LYRM4: variants seen among roughly 807,000 people sequenced by gnomAD.
LYRM4 encodes LYR motif containing 4.
LYRM4 carries 9 observed loss-of-function variants against 11.7 expected under a neutral mutation model. The observed-to-expected ratio is 0.77, with a 90% CI of 0.46 to 1.34. LYRM4 has a LOEUF of 1.34. Among genes scored for constraint, LYRM4 ranks in the 40% most tolerant of loss-of-function variants. The probability of loss-of-function intolerance (pLI) is 0.00; values close to 1 mark genes in which losing one functional copy is unlikely to be tolerated. For synonymous variants in LYRM4, 42 were observed against 40.4 expected (o/e 1.04, Z -0.15); for missense variants, 133 against 112.5 (o/e 1.18, Z -0.82).
At chr6:5,120,561 TG>T (rs1050461158) in intron 2 of LYRM4, among the ~76,000 whole-genome samples, 2 of 152,168 alleles carry the variant, frequency 1.3e-5, no homozygotes, top group Admixed American at 6.5e-5. Flanking sequence ...GGGACGCCAG[TG>T]GGTTGCTGCT....
intron 2 of LYRM4, among the ~76,000 whole-genome samples, chr6:5,140,182 C>T (rs914095495): frequency 2.0e-5 from 3 of 151,296 alleles, no homozygotes; most frequent in Non-Finnish European, 4.4e-5. Context: ...GAGCCGTGAT[C>T]GCACCACTGC....
chr6:5,037,997 T>C, the LYRM4 span, among the ~76,000 whole-genome samples: 1 of 57,596 alleles, frequency 1.7e-5, no homozygotes, highest in South Asian at 7.3e-4. Context: ...GAGACGCTCC[T>C]CACTTCCCAG....
chr6:5,112,949 T>G, intron 2 of LYRM4: 1 of 161,030 alleles, frequency 6.2e-6, no homozygotes. Context: ...GAAGAGAGAA[T>G]AAAAGAGAAG....
chr6:5,238,197 T>C (rs113065187), intron 1 of LYRM4, among the ~76,000 whole-genome samples: 53 of 152,302 alleles, frequency 3.5e-4, no homozygotes, highest in Middle Eastern at 3.4e-3. Context: ...AAATTCAGAA[T>C]AAAATTAAAT....
At chr6:5,184,924 G>A (rs936773305) in intron 2 of LYRM4, among the ~76,000 whole-genome samples, 3 of 152,292 alleles carry the variant, frequency 2.0e-5, no homozygotes, top group Middle Eastern at 3.4e-3. Flanking sequence ...CTTCCCCTGC[G>A]CAAGCCCAAG....
chr6:5,047,174 T>C, the LYRM4 span, among the ~76,000 whole-genome samples: 3 of 152,172 alleles, frequency 2.0e-5, no homozygotes, highest in Non-Finnish European at 2.9e-5. Context: ...GTATAATTTA[T>C]TGGGGAACCG....
chr6:5,075,011 G>A, the LYRM4 span, among the ~76,000 whole-genome samples: 3 of 152,062 alleles, frequency 2.0e-5, no homozygotes, highest in Non-Finnish European at 4.4e-5. Context: ...TGCAAGATCT[G>A]GGTGTTTAAA....
intron 2 of LYRM4, among the ~76,000 whole-genome samples, chr6:5,179,080 A>C (rs865880547): frequency 7.2e-5 from 9 of 124,444 alleles, no homozygotes; most frequent in African/African-American, 2.3e-4. Flanking sequence ...AAAAAAAAAA[A>C]AAAAAAAAAG....
chr6:5,064,426 C>T, the LYRM4 span, among the ~76,000 whole-genome samples: 2 of 152,146 alleles, frequency 1.3e-5, no homozygotes, highest in Non-Finnish European at 2.9e-5. Context: ...GAAGGTACAG[C>T]TTTCCCATAC....
chr6:5,162,485 G>A (rs909359148), intron 2 of LYRM4, among the ~76,000 whole-genome samples: 8 of 151,684 alleles, frequency 5.3e-5, no homozygotes, highest in Non-Finnish European at 5.9e-5. Flanking sequence ...GAGATGGAGC[G>A]ACAGAGAGCG....
At chr6:5,239,990 G>A (rs1020208181) in intron 1 of LYRM4, among the ~76,000 whole-genome samples, 5 of 152,156 alleles carry the variant, frequency 3.3e-5, no homozygotes, top group African/African-American at 4.8e-5. Context: ...GCTGCCTGCC[G>A]CAGCCAATCA....
chr6:5,095,543 C>T, the LYRM4 span, among the ~76,000 whole-genome samples: 5 of 152,182 alleles, frequency 3.3e-5, no homozygotes, highest in Admixed American at 3.3e-4. Context: ...CAATGATTGG[C>T]ACAAATGTAG....
At chr6:5,174,754 C>T (rs776772409) in intron 2 of LYRM4, among the ~76,000 whole-genome samples, 5 of 152,154 alleles carry the variant, frequency 3.3e-5, no homozygotes, top group Admixed American at 2.6e-4. Flanking sequence ...TATATATAAA[C>T]ATATATTATC....
Position 5,144,433 on chromosome 6 carries a change from C to T in LYRM4, c.208-34942G>A, listed in dbSNP as rs200864. On this transcript the variant is annotated intron_variant, in intron 2 of 2. Coordinates refer to ENST00000330636, the MANE Select transcript of LYRM4 (RefSeq NM_020408.6). The stretch of plus-strand genomic sequence containing the variant: ...CGGGCAGATCACAAGCTCAGGAGAT[C>T]GAGACCATCCTGGCTAACATGGTGA... Among the ~76,000 whole-genome samples the T allele has an allele frequency of 0.59, 89,619 of 151,554 alleles. 27,532 individuals carry two copies. Among genetic ancestry groups the T allele is most frequent in the East Asian group, 0.92 (4,725 of 5,132 alleles).
chr6:5,196,855 G>A (rs1325458824), intron 2 of LYRM4, among the ~76,000 whole-genome samples: 1 of 152,166 alleles, frequency 6.6e-6, no homozygotes, highest in Admixed American at 6.5e-5. Flanking sequence ...AATATTGACA[G>A]GAATGTTAAG....
chr6:5,086,031 C>T, the LYRM4 span: 2 of 1,491,240 alleles, frequency 1.3e-6, no homozygotes, highest in East Asian at 2.8e-5. Context: ...GGCTGCTGGC[C>T]GCGGCGGCAG....
At chr6:5,136,220 T>A in intron 2 of LYRM4, 1 of 926,524 alleles carries the variant, frequency 1.1e-6, no homozygotes, top group Non-Finnish European at 1.3e-6. Flanking sequence ...TCCTTTTGAG[T>A]CCCTGCTTTC....
At chr6:5,057,740 C>T in the LYRM4 span, among the ~76,000 whole-genome samples, 1 of 151,418 alleles carries the variant, frequency 6.6e-6, no homozygotes, top group East Asian at 2.0e-4. Context: ...AAAAAAACTT[C>T]CCTCATTCCT....
the LYRM4 span, among the ~76,000 whole-genome samples, chr6:5,075,245 A>G: frequency 6.6e-6 from 1 of 152,340 alleles, no homozygotes; most frequent in East Asian, 1.9e-4. Context: ...AGAATAGCCT[A>G]ACACAAGCAC....
Sources: allele counts gnomAD v4.1 joint callset (sites outside exome capture counted in the v4.1 genomes callset), GRCh38; gene constraint gnomAD v4.1.1; transcripts MANE v1.5; gene names NCBI Gene and HGNC (gene_info 2026-07-23, HGNC 2026-07-21).